Variants in ZBTB20 observed in about 807,000 individuals in gnomAD.
ZBTB20 encodes zinc finger and BTB domain-containing protein 20.
A neutral mutation model predicts 56.9 loss-of-function variants in ZBTB20; 9 were observed. The observed-to-expected ratio is 0.16, with a 90% confidence interval of 0.10 to 0.28. ZBTB20 has a LOEUF of 0.28. Among genes scored for constraint, ZBTB20 ranks in the 10% least tolerant of loss-of-function variants. The pLI is 1.00. For synonymous variants in ZBTB20, 417 were observed against 420.7 expected, an observed-to-expected ratio of 0.99 and a Z score of 0.11; for missense variants, 655 against 1,003.0, an observed-to-expected ratio of 0.65 and a Z score of 4.69.
chr3:114,358,326 T>C (rs972796949), intron 10 of ZBTB20, among the ~76,000 whole-genome samples: 4 of 152,148 alleles, frequency 2.6e-5, no homozygotes, highest in African/African-American at 9.7e-5. Context: ...AGAGGCAAAA[T>C]TGAGAACTAG....
chr3:114,670,261 T>C (rs1184849534), intron 6 of ZBTB20, among the ~76,000 whole-genome samples: 1 of 152,024 alleles, frequency 6.6e-6, no homozygotes, highest in Non-Finnish European at 1.5e-5. Context: ...TCGCAAAAGT[T>C]GACTTTATTT....
intron 2 of ZBTB20, among the ~76,000 whole-genome samples, chr3:115,033,637 G>A (rs2080795543): frequency 6.6e-6 from 1 of 151,534 alleles, no homozygotes; most frequent in African/African-American, 2.4e-5. Context: ...CAGATGAATA[G>A]ATAAAGAAGA....
chr3:115,089,305 T>A (rs2083101254), intron 1 of ZBTB20, among the ~76,000 whole-genome samples: 1 of 151,784 alleles, frequency 6.6e-6, no homozygotes, highest in South Asian at 2.1e-4. Flanking sequence ...TCTTTCCTCA[T>A]CTTTAAATAG....
chr3:115,086,501 T>C (rs865795045), intron 1 of ZBTB20, among the ~76,000 whole-genome samples: 4 of 151,684 alleles, frequency 2.6e-5, no homozygotes, highest in East Asian at 1.9e-4. Context: ...CTTAATAATA[T>C]ATAAAAAAAA....
chr3:114,859,453 A>C (rs1202034577), intron 4 of ZBTB20, among the ~76,000 whole-genome samples: 8 of 149,356 alleles, frequency 5.4e-5, no homozygotes, highest in Non-Finnish European at 1.2e-4. Context: ...TCCTTCCTTC[A>C]ATTTGGTGGA....
intron 4 of ZBTB20, among the ~76,000 whole-genome samples, chr3:114,869,242 AT>A (rs2075892549): frequency 6.6e-6 from 1 of 152,152 alleles, no homozygotes; most frequent in South Asian, 2.1e-4. Context: ...CTCGCTCAAA[AT>A]CTTGTTTTAA....
At chr3:114,380,463 T>G in intron 9 of ZBTB20, 59 bp from the exon 10 acceptor site, 4 of 1,454,340 alleles carry the variant, frequency 2.8e-6, no homozygotes, top group Non-Finnish European at 3.6e-6. Flanking sequence ...AAAAGGCATT[T>G]TTAGAATCTG....
chr3:114,731,859 A>T (rs1009992341), intron 5 of ZBTB20, among the ~76,000 whole-genome samples: 1 of 151,726 alleles, frequency 6.6e-6, no homozygotes, highest in African/African-American at 2.4e-5. Context: ...CTAGTTTAGT[A>T]ACTAATCCGG....
chr3:114,479,629 G>T (rs1184308761), intron 7 of ZBTB20, among the ~76,000 whole-genome samples: 1 of 152,134 alleles, frequency 6.6e-6, no homozygotes, highest in Non-Finnish European at 1.5e-5. Context: ...TATGTGTTCA[G>T]TATAAACATA....
At chr3:114,465,721 A>C (rs912703526) in intron 7 of ZBTB20, among the ~76,000 whole-genome samples, 2 of 151,942 alleles carry the variant, frequency 1.3e-5, no homozygotes, top group African/African-American at 2.4e-5. Context: ...AAAAAAAAGA[A>C]AGAAAGAAAA....
intron 4 of ZBTB20, among the ~76,000 whole-genome samples, chr3:114,844,539 A>AAAC (rs1560313243): frequency 1.4e-5 from 2 of 142,098 alleles, no homozygotes; most frequent in African/African-American, 5.2e-5. Flanking sequence ...AAAAAAAAAA[A>AAAC]AAAAAAAAAA....
chr3:114,785,128 A>T (rs1237274795), intron 5 of ZBTB20, among the ~76,000 whole-genome samples: 1 of 152,194 alleles, frequency 6.6e-6, no homozygotes, highest in Admixed American at 6.5e-5. Flanking sequence ...GATCTAACCA[A>T]TACCTTGGGA....
At chr3:114,557,725 G>C (rs1394562545) in intron 6 of ZBTB20, among the ~76,000 whole-genome samples, 1 of 151,864 alleles carries the variant, frequency 6.6e-6, no homozygotes, top group Non-Finnish European at 1.5e-5. Context: ...TGACTGTCTA[G>C]ATATATTTTC....
chr3:114,339,031 T>C lies in ZBTB20; in HGVS notation c.2200A>G (p.Met734Val). The change falls in exon 12 of 12, where the codon ATG becomes GTG. Residue 734 changes from methionine (M) to valine (V), a missense_variant. By Grantham distance (21) the Met-to-Val change is conservative. Around this residue, in one of 10 missense-constraint regions of ZBTB20, gnomAD observed 89 missense variants for 79.7 expected, o/e 1.12. Transcript: ENST00000675478. This position sits in a 1 kb window ranked among gnomAD's most constrained non-coding sequence, Gnocchi z 4.2. ...FDQIEQFNDH[M>V]RMHVSDG ...TATCCGTCAGACACATGCATCCTCA[T>C]GTGGTCGTTGAACTGCTCGATTTGG... 6.6e-6 allele frequency: 10 copies of C among 1,523,618 alleles called. No homozygotes were observed. Among genetic ancestry groups the C allele is most frequent in the South Asian group, 1.3e-5 (1 of 76,022 alleles). The allele number at this position is 1,523,618 out of a possible 1,614,324, so 94.4% of individuals were successfully genotyped here. A position where few individuals can be genotyped will look rare whatever the true frequency, so the allele number is the denominator to read the frequency against.
At chr3:114,578,553 T>C (rs915393506) in intron 6 of ZBTB20, among the ~76,000 whole-genome samples, 2 of 151,946 alleles carry the variant, frequency 1.3e-5, no homozygotes, top group South Asian at 2.1e-4. Context: ...AGAATAACTT[T>C]TAAAAGCTAC....
chr3:114,421,384 A>C (rs2089155692), intron 7 of ZBTB20, among the ~76,000 whole-genome samples: 1 of 152,192 alleles, frequency 6.6e-6, no homozygotes, highest in African/African-American at 2.4e-5. Context: ...ATATTTCATC[A>C]GTTATACCTA....
intron 1 of ZBTB20, among the ~76,000 whole-genome samples, chr3:115,135,501 A>G (rs539052719): frequency 1.3e-5 from 2 of 152,332 alleles, no homozygotes; most frequent in South Asian, 2.1e-4. Context: ...CACTTTAAGT[A>G]AGCTTTAATG....
intron 1 of ZBTB20, among the ~76,000 whole-genome samples, chr3:115,138,172 A>G (rs1295097149): frequency 1.3e-5 from 2 of 151,914 alleles, no homozygotes; most frequent in African/African-American, 4.8e-5. Context: ...GTCGGGTTTG[A>G]TTTAGTTTTC....
At chr3:114,640,846 T>C (rs2059523372) in intron 6 of ZBTB20, among the ~76,000 whole-genome samples, 1 of 152,070 alleles carries the variant, frequency 6.6e-6, no homozygotes, top group Non-Finnish European at 1.5e-5. Context: ...CAACAAAATT[T>C]CTATGAATTA....
Sources: gnomAD v4.1 joint callset for allele counts (sites outside exome capture counted in the v4.1 genomes callset) on GRCh38, gnomAD v4.1.1 for gene constraint, gnomAD v4.1.1 regional missense constraint, Gnocchi (gnomAD v3.1) non-coding constraint, MANE v1.5 for transcripts, NCBI Gene and HGNC (gene_info 2026-07-23, HGNC 2026-07-21) for gene names.